ZNF407: variants seen among roughly 807,000 people sequenced by gnomAD.
The protein encoded by ZNF407 is zinc finger protein 407.
Under a neutral mutation model 131.2 loss-of-function variants are expected in ZNF407, and 17 were observed. That is an observed-to-expected ratio of 0.13 (90% CI 0.09 to 0.19). ZNF407 has a LOEUF of 0.19. ZNF407 is among the 10% of genes least tolerant of loss of function. The pLI is 1.00. For missense variants in ZNF407, 2,681 were observed against 2,830.6 expected, an observed-to-expected ratio of 0.95 and a Z score of 1.20; for synonymous variants, 1,156 against 1,062.0, an observed-to-expected ratio of 1.09 and a Z score of -1.72.
At chr18:74,762,030 T>G (rs556086874) in intron 3 of ZNF407, among the ~76,000 whole-genome samples, 3 of 152,254 alleles carry the variant, frequency 2.0e-5, no homozygotes, top group Admixed American at 6.5e-5. Flanking sequence ...ATTTATATAG[T>G]CAGTCAGTCT....
At chr18:74,790,668 G>A (rs1399873304) in intron 4 of ZNF407, among the ~76,000 whole-genome samples, 3 of 151,982 alleles carry the variant, frequency 2.0e-5, no homozygotes, top group African/African-American at 7.3e-5. Flanking sequence ...AGAGAACAAA[G>A]GCCTATATGT....
chr18:74,791,660 C>T (rs910886299), intron 4 of ZNF407, among the ~76,000 whole-genome samples: 22 of 152,158 alleles, frequency 1.4e-4, no homozygotes, highest in African/African-American at 4.6e-4. Context: ...TTTTTTCTCA[C>T]TTATTCTGTG....
chr18:75,062,261 A>C (rs1238400181), intron 8 of ZNF407: 1 of 152,220 alleles, frequency 6.6e-6, no homozygotes, highest in African/African-American at 2.4e-5. Context: ...TTCCCTGAAT[A>C]TTCTTTCCTG....
At chr18:74,607,610 C>G (rs917431979) in intron 1 of ZNF407, among the ~76,000 whole-genome samples, 1 of 152,164 alleles carries the variant, frequency 6.6e-6, no homozygotes, top group Admixed American at 6.5e-5. Flanking sequence ...GAGGCCCAGT[C>G]TTAGCAACGT....
intron 8 of ZNF407, among the ~76,000 whole-genome samples, chr18:75,060,795 G>A (rs1416332089): frequency 6.6e-6 from 1 of 152,198 alleles, no homozygotes; most frequent in Non-Finnish European, 1.5e-5. Context: ...GTCGGCCACC[G>A]CGCCCGGCCG....
chr18:74,707,654 CTTTCTTGTCCCATTAAA>C (rs1967658758), intron 3 of ZNF407, among the ~76,000 whole-genome samples: 1 of 152,156 alleles, frequency 6.6e-6, no homozygotes, highest in African/African-American at 2.4e-5. Context: ...TTTAGAAAGA[CTTTCTTGTCCCATTAAA>C]ACCATCTGGG....
At chr18:74,776,377 G>A (rs1969471989) in intron 3 of ZNF407, among the ~76,000 whole-genome samples, 1 of 152,164 alleles carries the variant, frequency 6.6e-6, no homozygotes, top group Admixed American at 6.5e-5. Context: ...AGTCCTGTAA[G>A]CATTTTCTAA....
intron 3 of ZNF407, among the ~76,000 whole-genome samples, chr18:74,771,552 G>GTTTTA (rs59927151): frequency 0.97 from 146,632 of 151,766 alleles, 71,057 homozygotes; most frequent in East Asian, 1. Flanking sequence ...AATAATTTCA[G>GTTTTA]TTTTATATTA....
intron 7 of ZNF407, among the ~76,000 whole-genome samples, chr18:74,891,704 A>G (rs960561476): frequency 2.0e-5 from 3 of 152,182 alleles, no homozygotes; most frequent in East Asian, 1.9e-4. Flanking sequence ...TAAAAAACAA[A>G]CATTATTAAA....
intron 3 of ZNF407, among the ~76,000 whole-genome samples, chr18:74,689,243 T>C (rs543469936): frequency 2.1e-4 from 32 of 152,368 alleles, no homozygotes; most frequent in African/African-American, 7.7e-4. Flanking sequence ...TTATTTTTCT[T>C]GGTCTTATTA....
intron 1 of ZNF407, among the ~76,000 whole-genome samples, chr18:74,620,830 G>T: frequency 6.6e-6 from 1 of 152,172 alleles, no homozygotes. Context: ...AGAGAACTGG[G>T]ACTCATTCGG....
intron 4 of ZNF407, among the ~76,000 whole-genome samples, chr18:74,791,438 A>C (rs1416416106): frequency 6.6e-6 from 1 of 152,182 alleles, no homozygotes; most frequent in Admixed American, 6.5e-5. Context: ...ATGATTTCTT[A>C]GACATAGCAT....
At chr18:74,979,028 G>A (rs187417252) in intron 8 of ZNF407, among the ~76,000 whole-genome samples, 22 of 152,276 alleles carry the variant, frequency 1.4e-4, no homozygotes, top group African/African-American at 5.1e-4. Context: ...CAAATGCTGA[G>A]AGAGAAGGGA....
chr18:74,819,072 C>T (rs868333508), intron 4 of ZNF407, among the ~76,000 whole-genome samples: 24 of 152,142 alleles, frequency 1.6e-4, no homozygotes, highest in African/African-American at 5.6e-4. Context: ...ACTGAAGCCT[C>T]ATCTGAAGTC....
chr18:74,908,504 T>C (rs1971625692), intron 7 of ZNF407, among the ~76,000 whole-genome samples: 1 of 152,188 alleles, frequency 6.6e-6, no homozygotes, highest in African/African-American at 2.4e-5. Context: ...ATCTTTGTGC[T>C]GTCTGTTCTG....
At chr18:74,753,533 A>G (rs1274905059) in intron 3 of ZNF407, among the ~76,000 whole-genome samples, 1 of 152,152 alleles carries the variant, frequency 6.6e-6, no homozygotes, top group Non-Finnish European at 1.5e-5. Flanking sequence ...ACGTCCCATC[A>G]ATACCTAGTT....
intron 3 of ZNF407, among the ~76,000 whole-genome samples, chr18:74,722,064 GT>G (rs113844354): frequency 4.9e-5 from 7 of 142,250 alleles, no homozygotes; most frequent in Admixed American, 2.1e-4. Context: ...GTCTTTGTCT[GT>G]TTTTTTTTTC....
At chr18:74,824,728 A>G (rs1453643823) in intron 4 of ZNF407, among the ~76,000 whole-genome samples, 1 of 152,190 alleles carries the variant, frequency 6.6e-6, no homozygotes, top group African/African-American at 2.4e-5. Context: ...TCAATAGCCT[A>G]CCAACCAAAA....
intron 4 of ZNF407, among the ~76,000 whole-genome samples, chr18:74,792,361 A>G (rs537060509): frequency 9.9e-5 from 15 of 151,908 alleles, no homozygotes; most frequent in African/African-American, 3.4e-4. Context: ...GAAGTTAATT[A>G]AAACAATAAT....
Sources: gnomAD v4.1 joint callset for allele counts (sites outside exome capture counted in the v4.1 genomes callset) on GRCh38, gnomAD v4.1.1 for gene constraint, MANE v1.5 for transcripts, NCBI Gene and HGNC (gene_info 2026-07-23, HGNC 2026-07-21) for gene names.